ACLY: variants seen among roughly 807,000 people sequenced by gnomAD.
ACLY encodes the protein ATP citrate lyase, also known as ATP-citrate synthase.
A neutral mutation model predicts 133.0 loss-of-function variants in ACLY; 41 were observed. That is an observed-to-expected ratio of 0.31 (90% CI 0.24 to 0.40). ACLY has a LOEUF of 0.40. ACLY is among the 10% of genes least tolerant of loss of function. ACLY has a pLI of 1.00. For missense variants in ACLY, 1,046 were observed against 1,453.8 expected (o/e 0.72, Z 4.56); for synonymous variants, 495 against 549.3 (o/e 0.90, Z 1.38).
upstream of ACLY, among the ~76,000 whole-genome samples, chr17:41,921,479 G>GAAA (rs782660866): frequency 4.7e-5 from 2 of 42,402 alleles, no homozygotes; most frequent in Non-Finnish European, 4.8e-5. Context: ...CCCTGTCTCA[G>GAAA]AAAAAAAAAA....
Position 41,897,755 on chromosome 17 carries a change from G to A in ACLY, c.1423C>T (p.Pro475Ser). ...APAKKAKPAM[P>S]QDSVPSPRSL... is the part of the protein sequence containing the mutation. Reference sequence around the variant, plus strand: ...TGAAGCCTCAGGGAGTTACCTTGTGGCATGGCAGGCTTGGCCTTCTTTGCA... The same window carrying A: ...TGAAGCCTCAGGGAGTTACCTTGTGACATGGCAGGCTTGGCCTTCTTTGCA... Residue 475 changes from proline (P) to serine (S), a missense_variant, in exon 13 of 29, where the codon CCA becomes TCA. Transcript: ENST00000352035. The A allele has an allele frequency of 6.2e-7, 1 of 1,612,590 alleles. No homozygotes were observed. Among genetic ancestry groups the A allele is most frequent in the Non-Finnish European group, 8.5e-7 (1 of 1,179,466 alleles).
intron 16 of ACLY, among the ~76,000 whole-genome samples, chr17:41,889,921 C>A (rs2049160282): frequency 6.6e-6 from 1 of 152,118 alleles, no homozygotes; most frequent in Non-Finnish European, 1.5e-5. Context: ...GATCCACCCA[C>A]CTTGGCCTCC....
At position 41,882,000 on chromosome 17, in the gene ACLY, T is replaced by TTC. The variant is rs34404612; in HGVS notation, c.2265+1120_2265+1121dup. Among the ~76,000 whole-genome samples the TTC allele has an allele frequency of 3.1e-3, 471 of 152,258 alleles. 5 individuals are homozygous for TTC. Among genetic ancestry groups the TTC allele is most frequent in the African/African-American group, 0.01 (434 of 41,564 alleles). Reference sequence around the variant, plus strand: ...TATCAACATATCAAGTTCCACCTCCTTCTTTGCATGCCTGCCCTGTTTTCC... The same window carrying TTC: ...TATCAACATATCAAGTTCCACCTCCTTCTCTTTGCATGCCTGCCCTGTTTTCC... On this transcript the variant is annotated intron_variant, in intron 20 of 28. Transcript: ENST00000352035.
At chr17:41,891,978 C>T (rs2049225557) in intron 16 of ACLY, among the ~76,000 whole-genome samples, 1 of 152,202 alleles carries the variant, frequency 6.6e-6, no homozygotes, top group African/African-American at 2.4e-5. Flanking sequence ...CCTAGGATTA[C>T]AGGCATAAGT....
At chr17:41,912,632 A>C in intron 2 of ACLY, 90 bp from the exon 3 acceptor site, 2 of 1,511,624 alleles carry the variant, frequency 1.3e-6, no homozygotes, top group Non-Finnish European at 1.8e-6. Flanking sequence ...GCAGGGATTG[A>C]CTTCCCATTC....
intron 9 of ACLY, among the ~76,000 whole-genome samples, 200 bp downstream of exon 9, chr17:41,905,322 T>C (rs1459805308): frequency 6.6e-6 from 1 of 152,202 alleles, no homozygotes; most frequent in Non-Finnish European, 1.5e-5. Flanking sequence ...TCTTGCCCTC[T>C]CAGTCCCCTC....
chr17:41,909,397 G>T, intron 5 of ACLY, 113 bp downstream of exon 5: 1 of 1,203,074 alleles, frequency 8.3e-7, no homozygotes. Flanking sequence ...ACAGGGCCGT[G>T]TCTACCACCT....
At chr17:41,882,988 T>C (rs781992021) in intron 20 of ACLY, 134 bp downstream of exon 20, 48 of 723,772 alleles carry the variant, frequency 6.6e-5, no homozygotes, top group Non-Finnish European at 1.0e-4. Flanking sequence ...CTGGACTTTG[T>C]AGTAACCAAG....
chr17:41,901,798 T>C lies in ACLY; in HGVS notation c.1081A>G (p.Ile361Val), dbSNP rs138293941. The change falls in exon 11 of 29, where the codon ATT becomes GTT. Residue 361 changes from isoleucine (I) to valine (V), a missense_variant. Transcript: ENST00000352035. ...AATFKGIVRAIRDYQGPLKEH... is the reference protein window; with the variant it reads ...AATFKGIVRAVRDYQGPLKEH... Reference sequence around the variant, plus strand: ...TTCAGGGGGCCCTGGTAATCTCGAATTGCTCTCACGATGCCCTGGAAGCCC... The same window carrying C: ...TTCAGGGGGCCCTGGTAATCTCGAACTGCTCTCACGATGCCCTGGAAGCCC... 19 of 1,589,148 alleles carry C rather than the reference T, an allele frequency of 1.2e-5. No individual in the cohort carries two copies. The African/African-American group carries it at 2.3e-4, about 19-fold the overall frequency.
intron 19 of ACLY, 138 bp downstream of exon 19, chr17:41,884,055 G>C (rs1555627779): frequency 1.6e-6 from 1 of 613,030 alleles, no homozygotes; most frequent in African/African-American, 1.8e-5. Flanking sequence ...ACAACCTTGA[G>C]GCCCCAGCAT....
rs2049284031 is a variant in ACLY at position 41,893,827 on chromosome 17, TC to T, written c.1460-654del. On this transcript the variant is annotated intron_variant, in intron 14 of 28. Coordinates refer to ENST00000352035, the MANE Select transcript of ACLY (RefSeq NM_001096.3). Reference sequence around the variant, plus strand: ...CACAGGGCCAGTGCCCTCAACCTGCTCTCCTGTTTTTCCTGTCCTTCTCCCT... The same window carrying T: ...CACAGGGCCAGTGCCCTCAACCTGCTTCCTGTTTTTCCTGTCCTTCTCCCT... 3.3e-5 allele frequency among the ~76,000 whole-genome samples: 5 copies of T among 152,290 alleles called. No individual in the cohort carries two copies. The South Asian group carries it at 1.0e-3, about 32-fold the overall frequency.
chr17:41,908,881 CTT>C (rs1447863982), intron 6 of ACLY, 106 bp downstream of exon 6: 17 of 901,506 alleles, frequency 1.9e-5, no homozygotes, highest in Non-Finnish European at 2.5e-5. Flanking sequence ...GCACATCTGT[CTT>C]GTGTTACCCT....
chr17:41,887,247 T>C (rs1555628374), intron 17 of ACLY, among the ~76,000 whole-genome samples: 1 of 151,294 alleles, frequency 6.6e-6, no homozygotes, highest in Non-Finnish European at 1.5e-5. Context: ...GAGACCAGCC[T>C]GACCAACATG....
At chr17:41,928,371 G>A (rs971328546) in intron 1 of ACLY, among the ~76,000 whole-genome samples, 2 of 151,816 alleles carry the variant, frequency 1.3e-5, no homozygotes, top group African/African-American at 2.4e-5. Flanking sequence ...ATCTATTTCT[G>A]TTCCATTAAT....
intron 20 of ACLY, among the ~76,000 whole-genome samples, chr17:41,879,371 G>A (rs1389136428): frequency 6.7e-6 from 1 of 150,298 alleles, no homozygotes; most frequent in Non-Finnish European, 1.5e-5. Context: ...CTTGCAAAGT[G>A]CTGGGATTAC....
intron 14 of ACLY, 37 bp downstream of exon 14, chr17:41,896,583 C>G (rs1437518128): frequency 1.3e-6 from 2 of 1,527,138 alleles, no homozygotes; most frequent in African/African-American, 2.8e-5. Flanking sequence ...GCTAACAAAG[C>G]CACACGCGGA....
chr17:41,918,418 C>T (rs2050113636), intron 1 of ACLY, among the ~76,000 whole-genome samples: 1 of 152,226 alleles, frequency 6.6e-6, no homozygotes, highest in African/African-American at 2.4e-5. Flanking sequence ...CCAAGAAGGG[C>T]CTGAGCCCGG....
At chr17:41,890,903 G>A (rs1053435762) in intron 16 of ACLY, among the ~76,000 whole-genome samples, 6 of 147,848 alleles carry the variant, frequency 4.1e-5, no homozygotes, top group Non-Finnish European at 8.9e-5. Flanking sequence ...CTACTCAGAA[G>A]GCTGAGGCAC....
At chr17:41,913,642 C>A in intron 2 of ACLY, 73 bp downstream of exon 2, 1 of 1,534,656 alleles carries the variant, frequency 6.5e-7, no homozygotes, top group Non-Finnish European at 8.8e-7. Context: ...TCGGCATCAC[C>A]AACAAACCAA....
Sources: gnomAD v4.1 joint callset for allele counts (sites outside exome capture counted in the v4.1 genomes callset) on GRCh38, gnomAD v4.1.1 for gene constraint, MANE v1.5 for transcripts, NCBI Gene and HGNC (gene_info 2026-07-23, HGNC 2026-07-21) for gene names.